The following DGKK variants were observed in gnomAD, a reference collection of about 807,000 sequenced individuals.
The protein encoded by DGKK is 142 kDa diacylglycerol kinase.
Under a neutral mutation model 92.2 loss-of-function variants are expected in DGKK, and 35 were observed. That is an observed-to-expected ratio of 0.38 (90% CI 0.29 to 0.50). DGKK has a LOEUF of 0.50. Ranked by LOEUF, DGKK falls within the 20% of genes least tolerant of loss-of-function variation. The pLI, the probability that DGKK is intolerant of heterozygous loss-of-function variation, is 0.92. For synonymous variants in DGKK, 368 were observed against 360.6 expected, an observed-to-expected ratio of 1.02 and a Z score of -0.23; for missense variants, 910 against 992.2, an observed-to-expected ratio of 0.92 and a Z score of 1.11.
At chrX:50,385,571 C>A (rs967298559) in intron 15 of DGKK, among the ~76,000 whole-genome samples, 3 of 111,732 alleles carry the variant, frequency 2.7e-5, no homozygotes, top group Non-Finnish European at 3.8e-5. Flanking sequence ...TTCCACTGTG[C>A]AGAAGGGAGA....
chrX:50,392,815 C>T (rs1305212467), intron 9 of DGKK, among the ~76,000 whole-genome samples: 2 of 111,637 alleles, frequency 1.8e-5, no homozygotes, highest in African/African-American at 3.3e-5. Flanking sequence ...TATTTGGTCC[C>T]GGGAAAGAGA....
intron 25 of DGKK, 68 bp downstream of exon 25, chrX:50,374,903 A>C: frequency 2.0e-6 from 2 of 1,024,548 alleles, no homozygotes; most frequent in South Asian, 4.0e-5. Context: ...CCTTGGACCA[A>C]GCACAAGACC....
intron 1 of DGKK, among the ~76,000 whole-genome samples, chrX:50,446,890 T>C (rs150956253): frequency 9.0e-6 from 1 of 110,989 alleles, no homozygotes; most frequent in African/African-American, 3.3e-5. Context: ...TATATGTATA[T>C]GTGCATGTGT....
chrX:50,394,803 G>A (rs150160077), intron 8 of DGKK, among the ~76,000 whole-genome samples: 1,543 of 111,459 alleles, frequency 0.014, 11 homozygotes, highest in Middle Eastern at 0.028. Context: ...AGGGAAAGGG[G>A]GTAGATATTG....
intron 2 of DGKK, among the ~76,000 whole-genome samples, chrX:50,423,349 A>C (rs1480597894): frequency 1.8e-5 from 2 of 111,881 alleles, no homozygotes; most frequent in African/African-American, 6.5e-5. Flanking sequence ...TAAGTGTGTT[A>C]CATCTATAAC....
In DGKK at chrX:50,392,466, G is replaced by T. The variant is rs377296989; in HGVS notation, c.1596-17C>A. On this transcript the variant is annotated splice_polypyrimidine_tract_variant and intron_variant, in intron 9 of 27. Coordinates refer to ENST00000611977, the MANE Select transcript of DGKK (RefSeq NM_001013742.4). ...ATAGACAGCCTGGAAGGACAAAGAG[G>T]AAAGGGGGTCATTTCATGAACAGCT... The T allele has an allele frequency of 6.1e-6, 7 of 1,156,339 alleles. No individual in the cohort carries two copies. Among genetic ancestry groups the T allele is most frequent in the Admixed American group, 2.2e-5 (1 of 45,654 alleles).
Position 50,375,947 on chromosome X carries a change from C to A in DGKK, c.3414+77G>T, listed in dbSNP as rs192664195. On this transcript the variant is annotated intron_variant, in intron 24 of 27. Coordinates refer to ENST00000611977, the MANE Select transcript of DGKK (RefSeq NM_001013742.4). The stretch of plus-strand genomic sequence containing the variant: ...TTGCCCAGTTTCTCCGTCCAGCCTC[C>A]GGCTCCACTTCTTTCCCTTTCATCC... 8.6e-5 allele frequency: 95 copies of A among 1,109,482 alleles called. 1 individual carries two copies. The East Asian group carries it at 2.7e-3, about 32-fold the overall frequency. The allele number at this position is 1,109,482 out of a possible 1,213,427, so 91.4% of individuals were successfully genotyped here. A position where few individuals can be genotyped will look rare whatever the true frequency, so the allele number is the denominator to read the frequency against.
At chrX:50,459,994 AAT>A (rs1926704142) in intron 1 of DGKK, among the ~76,000 whole-genome samples, 1 of 112,479 alleles carries the variant, frequency 8.9e-6, no homozygotes, top group Admixed American at 9.4e-5. Context: ...ACCATGAAAT[AAT>A]ATGTTAAATG....
At chrX:50,396,121 T>C (rs1042982150) in intron 8 of DGKK, among the ~76,000 whole-genome samples, 12 of 112,171 alleles carry the variant, frequency 1.1e-4, no homozygotes, top group African/African-American at 3.6e-4. Flanking sequence ...CAGCAGAATA[T>C]CTTGTAACTG....
intron 27 of DGKK, 136 bp downstream of exon 27, chrX:50,370,290 G>T: frequency 2.6e-6 from 2 of 779,190 alleles, no homozygotes; most frequent in Non-Finnish European, 3.6e-6. Flanking sequence ...ATCACTTACT[G>T]CTGACTCCCA....
chrX:50,433,349 T>G (rs1316025243), intron 1 of DGKK, among the ~76,000 whole-genome samples: 2 of 112,129 alleles, frequency 1.8e-5, no homozygotes, highest in African/African-American at 3.2e-5. Context: ...AGCAAATTAG[T>G]TGTAGAGCAC....
chrX:50,447,359 T>TATATATATATA (rs1926357385), intron 1 of DGKK, among the ~76,000 whole-genome samples: 9 of 14,994 alleles, frequency 6.0e-4, no homozygotes, highest in East Asian at 4.9e-3. Context: ...ATATATATAA[T>TATATATATATA]ATATATATAT....
intron 8 of DGKK, among the ~76,000 whole-genome samples, chrX:50,399,569 A>G (rs1924941492): frequency 8.9e-6 from 1 of 112,106 alleles, no homozygotes; most frequent in South Asian, 3.7e-4. Flanking sequence ...TATAGATTAA[A>G]ACATTCCAGG....
intron 1 of DGKK, among the ~76,000 whole-genome samples, chrX:50,447,326 GTATA>G (rs1194566657): frequency 3.3e-4 from 6 of 18,179 alleles, no homozygotes; most frequent in Admixed American, 1.1e-3. Flanking sequence ...GTGTGTGTAT[GTATA>G]TATATATATA....
intron 4 of DGKK, among the ~76,000 whole-genome samples, chrX:50,405,756 C>T (rs1052533560): frequency 1.8e-5 from 2 of 111,656 alleles, no homozygotes; most frequent in Non-Finnish European, 3.8e-5. Flanking sequence ...ACTAAAGGCT[C>T]ACATGTTCTG....
chrX:50,371,241 C>T (rs868951929), intron 26 of DGKK, among the ~76,000 whole-genome samples: 2 of 111,523 alleles, frequency 1.8e-5, no homozygotes, highest in Admixed American at 1.9e-4. Flanking sequence ...GTGGGAGGGA[C>T]GGAAAGCAGC....
chrX:50,369,856 C>CT (rs1281181075), intron 27 of DGKK, among the ~76,000 whole-genome samples: 2 of 111,081 alleles, frequency 1.8e-5, no homozygotes, highest in East Asian at 2.8e-4. Flanking sequence ...GAACCTGTTC[C>CT]TTTTTTTTCC....
rs1557223011 is a variant in DGKK, at chrX:50,370,481, T to G, written c.3681A>C (p.Lys1227Asn). The change falls in exon 27 of 28, where the codon AAA becomes AAC. Residue 1227 changes from lysine to asparagine, a missense_variant. Coordinates refer to ENST00000611977, the MANE Select transcript of DGKK (RefSeq NM_001013742.4). ...TAGGCTTGCGTTCCTCTTCTACCTTTTTCTTTCCCAATTTGGGGAACTTAA... is the reference window on the plus strand; with the variant it reads ...TAGGCTTGCGTTCCTCTTCTACCTTGTTCTTTCCCAATTTGGGGAACTTAA... ...LKIKFPKLGK[K>N]KVEEERKPKS... is the part of the protein sequence containing the mutation. 8.4e-7 allele frequency: 1 copy of G among 1,194,121 alleles called. No individual in the cohort carries two copies. The highest frequency in any genetic ancestry group is 2.3e-5 in the Admixed American group (1 of 43,507).
chrX:50,369,083 G>A, intron 27 of DGKK, 64 bp from the exon 28 acceptor site: 13 of 910,220 alleles, frequency 1.4e-5, no homozygotes, highest in South Asian at 4.4e-5. Flanking sequence ...GCCCAAGTAT[G>A]TGGACCCAAA....
Sources: gnomAD v4.1 joint callset for allele counts (sites outside exome capture counted in the v4.1 genomes callset) on GRCh38, gnomAD v4.1.1 for gene constraint, MANE v1.5 for transcripts, NCBI Gene and HGNC (gene_info 2026-07-23, HGNC 2026-07-21) for gene names.